The following HDAC4 variants were observed in gnomAD, a reference collection of about 807,000 sequenced individuals.
The protein encoded by HDAC4 is histone deacetylase A.
A neutral mutation model predicts 135.1 loss-of-function variants in HDAC4; 16 were observed. The observed-to-expected ratio is 0.12, with a 90% confidence interval of 0.08 to 0.18. The LOEUF (loss-of-function observed/expected upper bound fraction) is 0.18. HDAC4 is among the 10% of genes least tolerant of loss of function. HDAC4 has a pLI of 1.00. For missense variants in HDAC4, 1,143 were observed against 1,511.8 expected, an observed-to-expected ratio of 0.76 and a Z score of 4.05; for synonymous variants, 685 against 653.4, an observed-to-expected ratio of 1.05 and a Z score of -0.74.
chr2:239,255,300 TG>T (rs1160061404), intron 2 of HDAC4, among the ~76,000 whole-genome samples: 1 of 113,694 alleles, frequency 8.8e-6, no homozygotes, highest in African/African-American at 3.5e-5. Flanking sequence ...TCTCACTGTG[TG>T]TGTGTGTGTG....
intron 2 of HDAC4, among the ~76,000 whole-genome samples, chr2:239,273,903 C>T (rs2050200877): frequency 6.6e-6 from 1 of 151,916 alleles, no homozygotes; most frequent in African/African-American, 2.4e-5. Context: ...AGACTGAAAA[C>T]TTTTTGAGAC....
At chr2:239,177,270 T>C (rs963078660) in intron 4 of HDAC4, among the ~76,000 whole-genome samples, 5 of 152,230 alleles carry the variant, frequency 3.3e-5, no homozygotes, top group African/African-American at 1.2e-4. Flanking sequence ...GCCTCTGCAC[T>C]TGCAGCTCCA....
Position 239,139,014 on chromosome 2 carries a change from G to A in HDAC4, c.978+670C>T, listed in dbSNP as rs1403966013. Among the ~76,000 whole-genome samples the A allele has an allele frequency of 6.6e-6, 1 of 152,138 alleles. No individual in the cohort carries two copies. Among genetic ancestry groups the A allele is most frequent in the Non-Finnish European group, 1.5e-5 (1 of 68,024 alleles). ...CCAAGCGTCCCCTGACTCCTCTCTA[G>A]CTTGCCAATGTCCCTCCCAGACTGT... On this transcript the variant is annotated intron_variant, in intron 9 of 26. Transcript: ENST00000543185. The surrounding 1 kb of genome is among the most constrained non-coding windows in gnomAD (Gnocchi z 5.3).
At chr2:239,287,059 T>A (rs1320189158) in intron 2 of HDAC4, among the ~76,000 whole-genome samples, 1 of 152,164 alleles carries the variant, frequency 6.6e-6, no homozygotes, top group Non-Finnish European at 1.5e-5. Context: ...GGGCAGGGAA[T>A]GTCCTGGGGA....
chr2:239,077,842 C>T (rs1053736920), intron 22 of HDAC4, among the ~76,000 whole-genome samples: 30 of 152,258 alleles, frequency 2.0e-4, no homozygotes, highest in East Asian at 7.7e-4. Context: ...ACGGAAGGAA[C>T]GAACATTCAA....
intron 22 of HDAC4, among the ~76,000 whole-genome samples, chr2:239,080,545 A>G (rs969924884): frequency 1.3e-5 from 2 of 152,114 alleles, no homozygotes; most frequent in Non-Finnish European, 2.9e-5. Context: ...CCTAGACCAA[A>G]GGAGAAGGAA....
intron 1 of HDAC4, among the ~76,000 whole-genome samples, chr2:239,373,920 T>C (rs1006941993): frequency 6.6e-6 from 1 of 152,212 alleles, no homozygotes; most frequent in African/African-American, 2.4e-5. Flanking sequence ...TTTTTACAGT[T>C]AAGCCTTGAA....
intron 24 of HDAC4, among the ~76,000 whole-genome samples, chr2:239,060,204 G>C (rs544137813): frequency 2.2e-4 from 33 of 152,324 alleles, no homozygotes; most frequent in Admixed American, 9.1e-4. Context: ...CTGAGCCTTG[G>C]GGGACTGGCT....
chr2:239,314,350 T>G (rs971184720), intron 2 of HDAC4, among the ~76,000 whole-genome samples: 1 of 152,086 alleles, frequency 6.6e-6, no homozygotes, highest in Admixed American at 6.5e-5. Flanking sequence ...ACAAGAGAGG[T>G]CATCCAGGGT....
At chr2:239,378,688 G>A (rs868258262) in intron 1 of HDAC4, among the ~76,000 whole-genome samples, 5 of 126,906 alleles carry the variant, frequency 3.9e-5, no homozygotes, top group East Asian at 2.0e-4. Flanking sequence ...GGGAACCAAT[G>A]AACCCGGGAA....
At chr2:239,111,375 C>T in intron 14 of HDAC4, 151 bp downstream of exon 14, 5 of 740,180 alleles carry the variant, frequency 6.8e-6, no homozygotes, top group Non-Finnish European at 9.3e-6. Context: ...GCCTCTGTGA[C>T]AGACCTGTGT....
chr2:239,158,599 C>T (rs2042570572), intron 6 of HDAC4, among the ~76,000 whole-genome samples: 1 of 152,032 alleles, frequency 6.6e-6, no homozygotes, highest in Admixed American at 6.5e-5. Flanking sequence ...GGCCCTGCCC[C>T]CCAACTGCCA....
chr2:239,130,837 C>T (rs1183280383), intron 11 of HDAC4, among the ~76,000 whole-genome samples: 1 of 152,244 alleles, frequency 6.6e-6, no homozygotes, highest in Non-Finnish European at 1.5e-5. Flanking sequence ...TTGCATGGTT[C>T]TCAAAGTCCT....
Position 239,115,036 on chromosome 2 carries a change from T to G in HDAC4, c.1791+17A>C, listed in dbSNP as rs753105739. On this transcript the variant is annotated intron_variant, in intron 13 of 26. Coordinates refer to ENST00000543185, the MANE Select transcript of HDAC4 (RefSeq NM_001378414.1). The surrounding 1 kb of genome is among the most constrained non-coding windows in gnomAD (Gnocchi z 6.3). The stretch of plus-strand genomic sequence containing the variant: ...TGTGCGTGCCAGCCTTCTGGTGCCC[T>G]CCCCGCCTGCGGTCACCTGTCTGAA... 6.2e-7 allele frequency: 1 copy of G among 1,607,658 alleles called. No homozygotes were observed. The highest frequency in any genetic ancestry group is 1.1e-5 in the South Asian group (1 of 91,072).
chr2:239,100,716 G>A (rs1377956541), intron 16 of HDAC4, among the ~76,000 whole-genome samples: 1 of 152,178 alleles, frequency 6.6e-6, no homozygotes, highest in African/African-American at 2.4e-5. Flanking sequence ...AACCCCTGAT[G>A]TCAGCTTCTT....
intron 2 of HDAC4, among the ~76,000 whole-genome samples, chr2:239,269,305 TCA>T (rs2049930762): frequency 6.7e-6 from 1 of 149,314 alleles, no homozygotes; most frequent in African/African-American, 2.5e-5. Flanking sequence ...CCACACACAT[TCA>T]CACACCCACA....
intron 2 of HDAC4, among the ~76,000 whole-genome samples, chr2:239,328,556 C>T (rs1411289479): frequency 2.0e-5 from 3 of 152,206 alleles, no homozygotes; most frequent in Non-Finnish European, 4.4e-5. Flanking sequence ...GAGGCAAATA[C>T]TCCCAACGAG....
chr2:239,133,766 C>T lies in HDAC4; in HGVS notation c.1294+479G>A, dbSNP rs1371509679. On this transcript the variant is annotated intron_variant, in intron 11 of 26. Transcript: ENST00000543185. ...ACAGGTGTCAGTCACCGTGTCCGGC[C>T]GGTGTGCCCTCATTTCTGAAGTGAC... Among the ~76,000 whole-genome samples, 7 of 152,314 alleles carry T rather than the reference C, an allele frequency of 4.6e-5. No individual in the cohort carries two copies. In the South Asian group the frequency reaches 8.3e-4, roughly 18 times the overall value.
intron 2 of HDAC4, among the ~76,000 whole-genome samples, chr2:239,280,894 T>A (rs1328126554): frequency 3.4e-5 from 5 of 146,114 alleles, no homozygotes; most frequent in Non-Finnish European, 7.5e-5. Context: ...CCACACAATG[T>A]ACACACCACT....
Sources: allele counts gnomAD v4.1 joint callset (sites outside exome capture counted in the v4.1 genomes callset), GRCh38; gene constraint gnomAD v4.1.1; non-coding constraint Gnocchi (gnomAD v3.1); transcripts MANE v1.5; gene names NCBI Gene and HGNC (gene_info 2026-07-23, HGNC 2026-07-21).